The following OPRPN variants were observed in gnomAD, a reference collection of about 807,000 sequenced individuals.
The protein encoded by OPRPN is basic proline-rich lacrimal protein.
Under a neutral mutation model 2.2 loss-of-function variants are expected in OPRPN, and 1 was observed. The observed-to-expected ratio is 0.45, with a 90% CI of 0.16 to 2.15. The LOEUF (loss-of-function observed/expected upper bound fraction) is 2.15, where lower values mean the gene tolerates loss of function less well. Ranked by LOEUF, OPRPN falls within the 30% of genes most tolerant of loss-of-function variation. The pLI is 0.28. For missense variants in OPRPN, 306 were observed against 297.3 expected (o/e 1.03, Z -0.21); for synonymous variants, 126 against 111.5 (o/e 1.13, Z -0.82).
chr4:70,409,391 T>C lies in OPRPN; in HGVS notation c.63T>C (p.Ser21=), dbSNP rs1733161832. Residue 21 remains serine, a synonymous_variant, in exon 3 of 3, where the codon AGT becomes AGC. Coordinates refer to ENST00000399575, the MANE Select transcript of OPRPN (RefSeq NM_021225.5). ...TTTTATCTCCACAGCCCAGTGAGAG[T>C]CAAAGATTCTCCAGAAGACCATATC... ...ALISCFTPSE[S]QRFSRRPYLP... is the part of the protein sequence containing the mutation. 6.2e-7 allele frequency: 1 copy of C among 1,606,682 alleles called. No individual in the cohort carries two copies. The highest frequency in any genetic ancestry group is 1.1e-5 in the South Asian group (1 of 90,164).
chr4:70,406,038 A>AT, intron 2 of OPRPN, among the ~76,000 whole-genome samples: 1 of 151,990 alleles, frequency 6.6e-6, no homozygotes, highest in Admixed American at 6.6e-5. Context: ...ACTGCACGCC[A>AT]GCCTGGGTAG....
At chr4:70,399,445 G>T in intron 2 of OPRPN, 109 bp downstream of exon 2, 1 of 902,944 alleles carries the variant, frequency 1.1e-6, no homozygotes, top group South Asian at 1.6e-5. Context: ...TACAGTGTCA[G>T]GCTGTTGATA....
chr4:70,399,186 G>T, intron 1 of OPRPN, 85 bp from the exon 2 acceptor site: 4 of 820,490 alleles, frequency 4.9e-6, no homozygotes, highest in Middle Eastern at 6.3e-4. Flanking sequence ...TACATAACAA[G>T]TGTTAAAATG....
intron 2 of OPRPN, among the ~76,000 whole-genome samples, chr4:70,408,545 T>TA (rs1285355523): frequency 6.6e-6 from 1 of 152,236 alleles, no homozygotes; most frequent in African/African-American, 2.4e-5. Flanking sequence ...TTGTTATTAA[T>TA]AGAGTACAAA....
intron 2 of OPRPN, 119 bp from the exon 3 acceptor site, chr4:70,409,261 C>A: frequency 1.3e-6 from 1 of 741,978 alleles, no homozygotes; most frequent in Non-Finnish European, 2.1e-6. Context: ...TGACTTATGG[C>A]TTAGTATATC....
chr4:70,402,307 G>A (rs1203243845), intron 2 of OPRPN, among the ~76,000 whole-genome samples: 2 of 152,048 alleles, frequency 1.3e-5, no homozygotes, highest in Non-Finnish European at 2.9e-5. Flanking sequence ...AACATTTTGA[G>A]TAACAAGGCC....
At position 70,409,678 on chromosome 4, in the gene OPRPN, T is replaced by TTAGGATA; in HGVS notation, c.352_358dup (p.Leu120Ter). 2.5e-6 allele frequency: 4 copies of TTAGGATA among 1,613,944 alleles called. No individual in the cohort carries two copies. The highest frequency in any genetic ancestry group is 3.4e-6 in the Non-Finnish European group (4 of 1,179,894). The stretch of plus-strand genomic sequence containing the variant: ...CTAAGACCTTACTATGTAGGACCTA[T>TTAGGATA]TAGGATATTAAAACCCCCATTTCCT... On this transcript the variant is annotated frameshift_variant, in exon 3 of 3. Transcript: ENST00000399575. LOFTEE classifies it low-confidence loss of function (END_TRUNC).
At chr4:70,407,767 GAAGA>G (rs1733122901) in intron 2 of OPRPN, among the ~76,000 whole-genome samples, 1 of 152,042 alleles carries the variant, frequency 6.6e-6, no homozygotes, top group South Asian at 2.1e-4. Flanking sequence ...AAATAAAAGA[GAAGA>G]AAGACCCTAG....
At chr4:70,406,305 C>T (rs1338020385) in intron 2 of OPRPN, among the ~76,000 whole-genome samples, 2 of 152,054 alleles carry the variant, frequency 1.3e-5, no homozygotes, top group Non-Finnish European at 2.9e-5. Context: ...ACTAAAGACA[C>T]AAAGCTAAAG....
At chr4:70,406,643 C>T (rs1009923379) in intron 2 of OPRPN, among the ~76,000 whole-genome samples, 1 of 152,044 alleles carries the variant, frequency 6.6e-6, no homozygotes, top group African/African-American at 2.4e-5. Flanking sequence ...TATGAAGGCA[C>T]AGGGACTACC....
In OPRPN at chr4:70,410,050, A is replaced by C. The variant is rs1241342675; in HGVS notation, c.722A>C (p.Gln241Pro). The stretch of plus-strand genomic sequence containing the variant: ...AGCCCAGCCTTTAAAAGTTTTTGGC[A>C]AAAACTCTTTGCCATTTTTGGTTGA... ...LSSPAFKSFW[Q>P]KLFAIFG The change falls in exon 3 of 3, where the codon CAA becomes CCA. Residue 241 changes from glutamine to proline, a missense_variant. Gln to Pro is a moderately conservative substitution (Grantham distance 76, BLOSUM62 -1). Transcript: ENST00000399575. The C allele has an allele frequency of 6.4e-7, 1 of 1,558,886 alleles. No individual in the cohort carries two copies.
chr4:70,409,376 A>C lies in OPRPN; in HGVS notation c.52-4A>C. The C allele has an allele frequency of 6.3e-7, 1 of 1,586,868 alleles. No individual in the cohort carries two copies. The highest frequency in any genetic ancestry group is 8.6e-7 in the Non-Finnish European group (1 of 1,169,014). ...GTTTTTTACCTTTGTTTTTATCTCC[A>C]CAGCCCAGTGAGAGTCAAAGATTCT... On this transcript the variant is annotated splice_region_variant and splice_polypyrimidine_tract_variant and intron_variant, in intron 2 of 2. Transcript: ENST00000399575.
intron 2 of OPRPN, among the ~76,000 whole-genome samples, chr4:70,407,876 G>T (rs1237375018): frequency 1.3e-5 from 2 of 152,178 alleles, no homozygotes; most frequent in East Asian, 3.8e-4. Flanking sequence ...TATAGGCATA[G>T]GGCAGGAAAG....
chr4:70,405,210 T>A (rs902076407), intron 2 of OPRPN, among the ~76,000 whole-genome samples: 2 of 152,196 alleles, frequency 1.3e-5, no homozygotes, highest in Non-Finnish European at 2.9e-5. Context: ...AAGAAGGCAT[T>A]TTCATCATTT....
At chr4:70,404,036 G>T (rs1442979769) in intron 2 of OPRPN, among the ~76,000 whole-genome samples, 1 of 151,936 alleles carries the variant, frequency 6.6e-6, no homozygotes, top group Non-Finnish European at 1.5e-5. Flanking sequence ...TCCCATCATG[G>T]TCCATTTGAA....
At chr4:70,398,432 C>T (rs1184994487) in intron 1 of OPRPN, among the ~76,000 whole-genome samples, 2 of 151,762 alleles carry the variant, frequency 1.3e-5, no homozygotes, top group Admixed American at 6.6e-5. Context: ...AATATGAAAA[C>T]ATATAAGAAA....
rs766384521 is a variant in OPRPN at position 70,399,324 on chromosome 4, TTCATGTTTCACAGTAAG to T, written c.41_51+6del. ...TCTTCTTGGGCCTGTTGGCTCTTATTTCATGTTTCACAGTAAGTTCCCTCAATTCTAAATTTACTTGT... is the reference window on the plus strand; with the variant it reads ...TCTTCTTGGGCCTGTTGGCTCTTATTTTCCCTCAATTCTAAATTTACTTGT... On this transcript the variant is annotated splice_donor_variant and splice_donor_5th_base_variant and coding_sequence_variant and intron_variant, in exon 2 of 3. Coordinates refer to ENST00000399575, the MANE Select transcript of OPRPN (RefSeq NM_021225.5). LOFTEE classifies it high-confidence loss of function. 6.3e-7 allele frequency: 1 copy of T among 1,598,836 alleles called. No individual in the cohort carries two copies. The highest frequency in any genetic ancestry group is 8.6e-7 in the Non-Finnish European group (1 of 1,167,798).
intron 2 of OPRPN, among the ~76,000 whole-genome samples, chr4:70,407,350 G>A (rs1224457550): frequency 9.9e-5 from 15 of 152,226 alleles, no homozygotes; most frequent in Admixed American, 9.2e-4. Context: ...ATGTGTTTAT[G>A]TTTATGTTAC....
chr4:70,399,045 T>C (rs1732917967), intron 1 of OPRPN, among the ~76,000 whole-genome samples: 1 of 151,876 alleles, frequency 6.6e-6, no homozygotes, highest in Admixed American at 6.6e-5. Flanking sequence ...AAATTATCTT[T>C]CATAAAATAA....
Sources: gnomAD v4.1 joint callset for allele counts (sites outside exome capture counted in the v4.1 genomes callset) on GRCh38, gnomAD v4.1.1 for gene constraint, MANE v1.5 for transcripts, NCBI Gene and HGNC (gene_info 2026-07-23, HGNC 2026-07-21) for gene names.